Variants in LRIG2 observed in about 807,000 individuals in gnomAD.
LRIG2 encodes leucine-rich repeats and immunoglobulin-like domains protein 2.
Under a neutral mutation model 107.8 loss-of-function variants are expected in LRIG2, and 93 were observed. The ratio of observed to expected loss-of-function variants is 0.86; its 90% confidence interval spans 0.73 to 1.03. The LOEUF is 1.03. Among genes scored for constraint, LRIG2 ranks in the 50% least tolerant of loss-of-function variants. The probability of loss-of-function intolerance (pLI) is 0.00; values close to 1 mark genes in which losing one functional copy is unlikely to be tolerated. For synonymous variants in LRIG2, 471 were observed against 470.6 expected (o/e 1.00, Z -0.01); for missense variants, 1,226 against 1,296.0 (o/e 0.95, Z 0.83).
At chr1:113,080,845 T>G (rs1377571958) in intron 1 of LRIG2, among the ~76,000 whole-genome samples, 3 of 148,404 alleles carry the variant, frequency 2.0e-5, no homozygotes, top group African/African-American at 7.5e-5. Flanking sequence ...AGTTTTTTTT[T>G]TTTTTTTTTT....
At chr1:113,116,815 G>GT (rs1318010974) in intron 16 of LRIG2, among the ~76,000 whole-genome samples, 1 of 152,126 alleles carries the variant, frequency 6.6e-6, no homozygotes, top group African/African-American at 2.4e-5. Context: ...ATTCAGTAAA[G>GT]TTTAAAGGGT....
rs35515644 is a variant in LRIG2 at position 113,089,676 on chromosome 1, C to CTTTTTTTT, written c.240-1627_240-1620dup. 1.5e-3 allele frequency among the ~76,000 whole-genome samples: 104 copies of CTTTTTTTT among 71,682 alleles called. 3 individuals carry two copies. Among genetic ancestry groups the CTTTTTTTT allele is most frequent in the Middle Eastern group, 0.022 (1 of 46 alleles). The allele number at this position is 71,682 out of a possible 152,430, so 47.0% of individuals were successfully genotyped here. A position where few individuals can be genotyped will look rare whatever the true frequency, so the allele number is the denominator to read the frequency against. ...ATTTCCTCTTACTGAAGGTGGATTG[C>CTTTTTTTT]TTTTTTTTTTTTTTTTTTTTTTGGA... On this transcript the variant is annotated intron_variant, in intron 1 of 17. Transcript: ENST00000361127.
At chr1:113,109,847 T>C (rs1297540663) in intron 12 of LRIG2, among the ~76,000 whole-genome samples, 1 of 152,194 alleles carries the variant, frequency 6.6e-6, no homozygotes, top group Non-Finnish European at 1.5e-5. Context: ...CACATACATA[T>C]ATACAAGGGG....
rs1654338967 is a variant in LRIG2, at chr1:113,102,277, TA to T, written c.1313+1790del. Among the ~76,000 whole-genome samples, 17 of 151,850 alleles carry T rather than the reference TA, an allele frequency of 1.1e-4. No homozygotes were observed. In the East Asian group the frequency reaches 3.1e-3, roughly 28 times the overall value. Reference sequence around the variant, plus strand: ...TGTTCCAGTATTTTTTTTTTTAATTTATTTTTTTTTTGAGATGCAATCTCGC... The same window carrying T: ...TGTTCCAGTATTTTTTTTTTTAATTTTTTTTTTTTTGAGATGCAATCTCGC... On this transcript the variant is annotated intron_variant, in intron 11 of 17. Transcript: ENST00000361127.
intron 1 of LRIG2, among the ~76,000 whole-genome samples, chr1:113,083,782 G>A (rs985545537): frequency 4.3e-5 from 6 of 140,522 alleles, no homozygotes; most frequent in Non-Finnish European, 9.0e-5. Context: ...TGCTTGGAGA[G>A]CTTTTACAAA....
Position 113,095,990 on chromosome 1 carries a change from G to C in LRIG2, c.920G>C (p.Trp307Ser). Residue 307 changes from tryptophan to serine, a missense_variant, in exon 7 of 18, where the codon TGG (tryptophan) becomes TCG (serine). Transcript: ENST00000361127. ...NAIERISPDA[W>S]EFCQRLSELD... ...ATTGAAAGAATCAGCCCTGATGCAT[G>C]GGAGTTCTGCCAAAGACTATCCGAA... 6.2e-7 allele frequency: 1 copy of C among 1,614,200 alleles called. No individual in the cohort carries two copies. The highest frequency in any genetic ancestry group is 8.5e-7 in the Non-Finnish European group (1 of 1,180,042).
chr1:113,109,528 T>C (rs1654681351), intron 12 of LRIG2, among the ~76,000 whole-genome samples: 2 of 152,248 alleles, frequency 1.3e-5, no homozygotes. Flanking sequence ...TATATACATA[T>C]ATTTTTTGAG....
chr1:113,075,518 C>A (rs1217390826), intron 1 of LRIG2, among the ~76,000 whole-genome samples: 1 of 152,064 alleles, frequency 6.6e-6, no homozygotes, highest in Non-Finnish European at 1.5e-5. Context: ...AATTTAAAAA[C>A]TCCTATCAGT....
chr1:113,091,689 G>A (rs1382438056), intron 2 of LRIG2, among the ~76,000 whole-genome samples: 2 of 152,168 alleles, frequency 1.3e-5, no homozygotes, highest in East Asian at 3.8e-4. Context: ...TTCAGCCAGT[G>A]AAACTCTGTT....
Position 113,127,777 on chromosome 1 carries a change from A to T in LRIG2, c.*3676A>T, listed in dbSNP as rs1007325286. 6.6e-6 allele frequency: 1 copy of T among 151,934 alleles called. No homozygotes were observed. The highest frequency in any genetic ancestry group is 1.5e-5 in the Non-Finnish European group (1 of 68,036). The allele number at this position is 151,934 out of a possible 1,614,324, so 9.4% of individuals were successfully genotyped here. On this transcript the variant is annotated 3_prime_UTR_variant, in exon 18 of 18. Coordinates refer to ENST00000361127, the MANE Select transcript of LRIG2 (RefSeq NM_014813.3). ...GAGACGGGGTTTCTCCATGTTGGTC[A>T]GGCTGGCCTCGAACTCCTGACCTCA...
At chr1:113,086,805 A>G (rs1211286468) in intron 1 of LRIG2, among the ~76,000 whole-genome samples, 1 of 152,236 alleles carries the variant, frequency 6.6e-6, no homozygotes, top group Non-Finnish European at 1.5e-5. Flanking sequence ...TGAGTTTACA[A>G]CATTGAGATC....
chr1:113,114,554 G>C lies in LRIG2; in HGVS notation c.2208G>C (p.Leu736Phe). 6.2e-7 allele frequency: 1 copy of C among 1,614,090 alleles called. No individual in the cohort carries two copies. The highest frequency in any genetic ancestry group is 8.5e-7 in the Non-Finnish European group (1 of 1,180,018). Residue 736 changes from leucine (L) to phenylalanine (F), a missense_variant, in exon 15 of 18, where the codon TTG becomes TTC. Coordinates refer to ENST00000361127, the MANE Select transcript of LRIG2 (RefSeq NM_014813.3). ...RLNWTKDDGPLLVTERHFFAA... is the reference protein window; with the variant it reads ...RLNWTKDDGPFLVTERHFFAA... ...ACTGGACTAAAGATGATGGGCCTTT[G>C]CTGGTGACAGAACGACATTTCTTTG... is the stretch of plus-strand genomic sequence containing the variant.
At chr1:113,091,286 TA>T in intron 1 of LRIG2, 31 bp from the exon 2 acceptor site, 3 of 1,446,060 alleles carry the variant, frequency 2.1e-6, no homozygotes, top group Non-Finnish European at 2.9e-6. Context: ...TTTCCAGGAC[TA>T]AACTAAGAAT....
chr1:113,084,418 T>C (rs1291117931), intron 1 of LRIG2, among the ~76,000 whole-genome samples: 1 of 151,992 alleles, frequency 6.6e-6, no homozygotes, highest in Non-Finnish European at 1.5e-5. Context: ...GGTTTCACCG[T>C]GTTAGCCAAG....
chr1:113,111,666 C>T (rs1654780655), intron 13 of LRIG2, among the ~76,000 whole-genome samples: 1 of 152,124 alleles, frequency 6.6e-6, no homozygotes, highest in African/African-American at 2.4e-5. Flanking sequence ...TTATCTATTG[C>T]CTATTAAATT....
intron 8 of LRIG2, among the ~76,000 whole-genome samples, chr1:113,097,866 T>C (rs1570746870): frequency 6.6e-6 from 1 of 152,300 alleles, no homozygotes; most frequent in East Asian, 1.9e-4. Context: ...ATTGGTTCTT[T>C]CATTATTTAT....
Position 113,094,375 on chromosome 1 carries a change from T to C in LRIG2, c.552T>C (p.Ala184=). Residue 184 remains alanine, a synonymous_variant, in exon 5 of 18, where the codon GCT becomes GCC. Coordinates refer to ENST00000361127, the MANE Select transcript of LRIG2 (RefSeq NM_014813.3). ...ATAACAGAATAACCACCTTGGAGGC[T>C]GGTTGCTTCGATAATTTATCAAGTT... ...LSNNRITTLE[A]GCFDNLSSSL... The C allele has an allele frequency of 6.2e-7, 1 of 1,612,822 alleles. No homozygotes were observed. Among genetic ancestry groups the C allele is most frequent in the Non-Finnish European group, 8.5e-7 (1 of 1,179,552 alleles).
chr1:113,106,054 C>T (rs552096846), intron 11 of LRIG2, among the ~76,000 whole-genome samples: 6 of 152,134 alleles, frequency 3.9e-5, no homozygotes, highest in Admixed American at 6.6e-5. Context: ...ATGGTGAAAC[C>T]CCGTCTCTAC....
intron 1 of LRIG2, among the ~76,000 whole-genome samples, chr1:113,086,152 C>T (rs1653542124): frequency 6.6e-6 from 1 of 151,762 alleles, no homozygotes; most frequent in Admixed American, 6.6e-5. Flanking sequence ...TACAGCCACA[C>T]GCCACCACAC....
Sources: allele counts gnomAD v4.1 joint callset (sites outside exome capture counted in the v4.1 genomes callset), GRCh38; gene constraint gnomAD v4.1.1; transcripts MANE v1.5; gene names NCBI Gene and HGNC (gene_info 2026-07-23, HGNC 2026-07-21).